SNX29: variants seen among roughly 807,000 people sequenced by gnomAD.
The protein encoded by SNX29 is sorting nexin 29, also known as sorting nexin-29.
SNX29 carries 78 observed loss-of-function variants against 102.1 expected under a neutral mutation model. That is an observed-to-expected ratio of 0.76 (90% confidence interval 0.64 to 0.92). The LOEUF is 0.92. Ranked by LOEUF, SNX29 falls within the 40% of genes least tolerant of loss-of-function variation. The probability of loss-of-function intolerance (pLI) is 0.00; values close to 1 mark genes in which losing one functional copy is unlikely to be tolerated. For synonymous variants in SNX29, 580 were observed against 414.5 expected, an observed-to-expected ratio of 1.40 and a Z score of -4.85; for missense variants, 1,280 against 1,061.7, an observed-to-expected ratio of 1.21 and a Z score of -2.86.
chr16:12,147,758 C>T (rs763851798), intron 13 of SNX29, among the ~76,000 whole-genome samples: 2 of 152,128 alleles, frequency 1.3e-5, no homozygotes, highest in Admixed American at 6.5e-5. Flanking sequence ...CTTGCCTTTC[C>T]GGTACGGTTC....
At chr16:12,494,638 C>A (rs2088721443) in intron 19 of SNX29, among the ~76,000 whole-genome samples, 1 of 152,210 alleles carries the variant, frequency 6.6e-6, no homozygotes, top group South Asian at 2.1e-4. Context: ...TTCAGCTTAA[C>A]CACCCCCTTG....
intron 14 of SNX29, among the ~76,000 whole-genome samples, chr16:12,213,939 G>A (rs1224847456): frequency 2.0e-5 from 3 of 152,182 alleles, no homozygotes; most frequent in African/African-American, 7.2e-5. Flanking sequence ...GGAGGATGAG[G>A]CTGTTGGAGT....
At chr16:12,138,234 G>T (rs545144171) in intron 13 of SNX29, among the ~76,000 whole-genome samples, 72 of 143,850 alleles carry the variant, frequency 5.0e-4, no homozygotes, top group Admixed American at 4.4e-3. Context: ...TTGAGGTGGA[G>T]TCTCACTCTG....
intron 13 of SNX29, among the ~76,000 whole-genome samples, chr16:12,141,285 C>A (rs964586229): frequency 6.6e-6 from 1 of 152,170 alleles, no homozygotes; most frequent in African/African-American, 2.4e-5. Context: ...GTAGGCTGAT[C>A]TTGGTTGTGT....
At chr16:12,165,781 C>G (rs2055992695) in intron 13 of SNX29, among the ~76,000 whole-genome samples, 1 of 152,224 alleles carries the variant, frequency 6.6e-6, no homozygotes, top group South Asian at 2.1e-4. Context: ...CCAGGTTGGT[C>G]TCGAACTCCT....
intron 11 of SNX29, among the ~76,000 whole-genome samples, chr16:12,112,066 A>G (rs1353020970): frequency 6.6e-6 from 1 of 152,196 alleles, no homozygotes; most frequent in Non-Finnish European, 1.5e-5. Flanking sequence ...GTGGTTTGCA[A>G]AGGTCCAAAG....
At chr16:12,082,706 G>T (rs2051968218) in intron 11 of SNX29, among the ~76,000 whole-genome samples, 1 of 152,200 alleles carries the variant, frequency 6.6e-6, no homozygotes, top group Non-Finnish European at 1.5e-5. Flanking sequence ...AACGTGGTCT[G>T]TGGTTAGGAT....
chr16:12,257,128 G>C (rs539324987), intron 14 of SNX29, among the ~76,000 whole-genome samples: 1 of 152,308 alleles, frequency 6.6e-6, no homozygotes, highest in South Asian at 2.1e-4. Context: ...CCGAGTAGCT[G>C]AATGACTAAG....
chr16:12,369,418 G>T (rs2082602385), intron 16 of SNX29, among the ~76,000 whole-genome samples: 1 of 152,160 alleles, frequency 6.6e-6, no homozygotes, highest in Non-Finnish European at 1.5e-5. Context: ...TTACAGGCGT[G>T]AGCCACCGTG....
At chr16:12,140,521 C>T (rs1203210084) in intron 13 of SNX29, among the ~76,000 whole-genome samples, 1 of 152,200 alleles carries the variant, frequency 6.6e-6, no homozygotes, top group Non-Finnish European at 1.5e-5. Context: ...TTCCTCCCAT[C>T]AGATTGGGGG....
At chr16:12,354,462 C>T (rs749713634) in intron 15 of SNX29, among the ~76,000 whole-genome samples, 6 of 152,182 alleles carry the variant, frequency 3.9e-5, no homozygotes, top group Non-Finnish European at 7.3e-5. Context: ...TGGGACGTTT[C>T]GGTGTTTCCT....
intron 20 of SNX29, among the ~76,000 whole-genome samples, chr16:12,559,127 C>T (rs1178516469): frequency 1.3e-5 from 2 of 152,114 alleles, no homozygotes; most frequent in Non-Finnish European, 2.9e-5. Flanking sequence ...AGGCTTGGAT[C>T]CCTCTTCTGG....
At chr16:12,541,358 G>C (rs1244534418) in intron 20 of SNX29, among the ~76,000 whole-genome samples, 1 of 152,128 alleles carries the variant, frequency 6.6e-6, no homozygotes, top group Non-Finnish European at 1.5e-5. Flanking sequence ...ATTCTTCACA[G>C]AATTCCCTAT....
At chr16:12,530,593 T>C (rs1289021616) in intron 20 of SNX29, among the ~76,000 whole-genome samples, 1 of 152,036 alleles carries the variant, frequency 6.6e-6, no homozygotes, top group Non-Finnish European at 1.5e-5. Flanking sequence ...TGCGCTCTTG[T>C]CGCCCAGGCT....
chr16:12,354,920 C>T (rs2082089052), intron 15 of SNX29, among the ~76,000 whole-genome samples: 1 of 152,202 alleles, frequency 6.6e-6, no homozygotes, highest in Non-Finnish European at 1.5e-5. Context: ...TCTTTTGTGT[C>T]ATTTTCACTT....
At chr16:12,365,556 G>T (rs796114658) in intron 16 of SNX29, among the ~76,000 whole-genome samples, 5 of 151,726 alleles carry the variant, frequency 3.3e-5, no homozygotes, top group African/African-American at 1.2e-4. Flanking sequence ...CATGCATGGT[G>T]GTGCGTGCCT....
chr16:12,303,303 A>G (rs1311273825), intron 15 of SNX29, among the ~76,000 whole-genome samples: 2 of 152,254 alleles, frequency 1.3e-5, no homozygotes, highest in African/African-American at 2.4e-5. Context: ...CCATGTTCAC[A>G]GCATCGCTCA....
rs532390011 is a variant in SNX29, at chr16:12,459,780, G to A, written c.2038-17939G>A. 3.9e-5 allele frequency among the ~76,000 whole-genome samples: 6 copies of A among 152,264 alleles called. No homozygotes were observed. In the East Asian group the frequency reaches 9.7e-4, roughly 25 times the overall value. ...GGTCACTGGTCCTGCCCCTCAGGAG[G>A]CCCAGCAGTCTTTCCAGCTCTTGCT... is the stretch of plus-strand genomic sequence containing the variant. On this transcript the variant is annotated intron_variant, in intron 18 of 20. Transcript: ENST00000566228.
At chr16:12,502,669 T>C (rs1164914986) in intron 19 of SNX29, among the ~76,000 whole-genome samples, 2 of 152,200 alleles carry the variant, frequency 1.3e-5, no homozygotes. Flanking sequence ...TTCAAGTGAT[T>C]AATGGAAAAG....
Sources: allele counts gnomAD v4.1 joint callset (sites outside exome capture counted in the v4.1 genomes callset), GRCh38; gene constraint gnomAD v4.1.1; transcripts MANE v1.5; gene names NCBI Gene and HGNC (gene_info 2026-07-23, HGNC 2026-07-21).